MUC22: variants seen among roughly 807,000 people sequenced by gnomAD.
The protein encoded by MUC22 is mucin-22.
A neutral mutation model predicts 40.3 loss-of-function variants in MUC22; 24 were observed. The ratio of observed to expected loss-of-function variants is 0.60; its 90% CI spans 0.43 to 0.84. The LOEUF (loss-of-function observed/expected upper bound fraction) is 0.84, where lower values mean the gene tolerates loss of function less well. Ranked by LOEUF, MUC22 falls within the 40% of genes least tolerant of loss-of-function variation. MUC22 has a pLI of 0.00. For synonymous variants in MUC22, 765 were observed against 844.5 expected, an observed-to-expected ratio of 0.91 and a Z score of 1.63; for missense variants, 1,926 against 2,130.7, an observed-to-expected ratio of 0.90 and a Z score of 1.89.
Position 31,032,729 on chromosome 6 carries a change from C to A in MUC22, c.5055+148C>A, listed in dbSNP as rs181217482. The stretch of plus-strand genomic sequence containing the variant: ...GAATCACCTAGCCTGATATAAGGAC[C>A]AGAGAGAATGCTTAAGTCAGAGAAA... On this transcript the variant is annotated intron_variant, in intron 3 of 3. Transcript: ENST00000561890. The surrounding 1 kb of genome is among the most constrained non-coding windows in gnomAD (Gnocchi z 4.1). 76 of 899,664 alleles carry A rather than the reference C, an allele frequency of 8.4e-5. No individual in the cohort carries two copies. The African/African-American group carries it at 1.1e-3, about 13-fold the overall frequency. The allele number at this position is 899,664 out of a possible 1,614,324, so 55.7% of individuals were successfully genotyped here. A position where few individuals can be genotyped will look rare whatever the true frequency, so the allele number is the denominator to read the frequency against.
chr6:31,015,970 T>C (rs1276092671), intron 1 of MUC22, among the ~76,000 whole-genome samples: 2 of 152,176 alleles, frequency 1.3e-5, no homozygotes, highest in Non-Finnish European at 2.9e-5. Flanking sequence ...CTAATTTTCT[T>C]ATATTTCTTC....
rs1461612497 is a variant in MUC22 at position 31,032,628 on chromosome 6, G to C, written c.5055+47G>C. On this transcript the variant is annotated intron_variant, in intron 3 of 3. Transcript: ENST00000561890. This position sits in a 1 kb window ranked among gnomAD's most constrained non-coding sequence, Gnocchi z 4.1. ...ATAGGGGAGCCTGGCAAGAAGGCAG[G>C]GGGGAATCATGTCAGCAGTGCTTTG... The C allele has an allele frequency of 1.3e-6, 2 of 1,495,042 alleles. No homozygotes were observed. Among genetic ancestry groups the C allele is most frequent in the East Asian group, 2.5e-5 (1 of 40,606 alleles). The allele number at this position is 1,495,042 out of a possible 1,614,324, so 92.6% of individuals were successfully genotyped here. A position where few individuals can be genotyped will look rare whatever the true frequency, so the allele number is the denominator to read the frequency against.
upstream of MUC22, among the ~76,000 whole-genome samples, chr6:31,009,524 T>G (rs1763728893): frequency 6.6e-6 from 1 of 152,214 alleles, no homozygotes; most frequent in Non-Finnish European, 1.5e-5. Context: ...TCAGTTGATT[T>G]TTCCATGTAC....
At chr6:31,012,815 C>CT (rs1763946177) in intron 1 of MUC22, among the ~76,000 whole-genome samples, 2 of 152,064 alleles carry the variant, frequency 1.3e-5, no homozygotes, top group South Asian at 4.2e-4. Context: ...GTCTCAGGGG[C>CT]TTTGCTCAGT....
intron 1 of MUC22, among the ~76,000 whole-genome samples, chr6:31,023,070 CAGTG>C (rs1443309659): frequency 4.6e-5 from 7 of 151,640 alleles, no homozygotes; most frequent in Non-Finnish European, 1.0e-4. Flanking sequence ...GTGGAATTGG[CAGTG>C]AGCTGAGATC....
At chr6:31,028,549 A>G (rs1407758984) in exon 2 of MUC22, 1 of 1,531,938 alleles carries the variant, frequency 6.5e-7, no homozygotes, top group Non-Finnish European at 8.7e-7. Flanking sequence ...GGCCTCTACC[A>G]TAGGCTCTGA....
At chr6:31,009,954 A>T (rs1763752428), upstream of MUC22, among the ~76,000 whole-genome samples, 1 of 152,090 alleles carries the variant, frequency 6.6e-6, no homozygotes, top group Non-Finnish European at 1.5e-5. Context: ...CCACCCTTGG[A>T]GAGCTCACAG....
At chr6:31,020,917 C>T (rs573808626) in intron 1 of MUC22, among the ~76,000 whole-genome samples, 17 of 152,360 alleles carry the variant, frequency 1.1e-4, no homozygotes, top group African/African-American at 3.4e-4. Flanking sequence ...GGCCCACTGG[C>T]GCTGCACTGG....
chr6:31,018,272 A>T (rs1472714260), intron 1 of MUC22, among the ~76,000 whole-genome samples: 16 of 152,236 alleles, frequency 1.1e-4, no homozygotes, highest in Admixed American at 1.0e-3. Context: ...CTTGAGTGGA[A>T]GGAGTGATCT....
exon 1 of MUC22, chr6:31,010,583 T>C (rs1763795778): frequency 1.6e-6 from 1 of 629,824 alleles, no homozygotes; most frequent in South Asian, 1.9e-5. Context: ...TTTGGGTCTT[T>C]TTGTGCAACT....
chr6:31,028,545 T>C (rs1023277757), exon 2 of MUC22: 30 of 1,531,934 alleles, frequency 2.0e-5, no homozygotes, highest in Non-Finnish European at 2.4e-5. Context: ...CTATGGCCTC[T>C]ACCATAGGCT....
rs1055254538 is a variant in MUC22, at chr6:31,027,039, C to T, written c.1608C>T (p.Thr536=). 2.8e-5 allele frequency: 42 copies of T among 1,501,070 alleles called. 3 individuals are homozygous for T. The African/African-American group carries it at 4.6e-4, about 16-fold the overall frequency. The allele number at this position is 1,501,070 out of a possible 1,614,324, so 93.0% of individuals were successfully genotyped here. Residue 536 remains threonine (T), a synonymous_variant, in exon 2 of 4, where the codon ACC becomes ACT. Transcript: ENST00000561890. ...CCTCTACTACAGGGTTTGAGACAAC[C>T]GCAGCCTCTACTACAGGCTCTGAGC...
intron 1 of MUC22, 146 bp from the exon 2 acceptor site, chr6:31,025,356 G>C (rs1765189227): frequency 1.1e-6 from 1 of 938,394 alleles, no homozygotes; most frequent in Non-Finnish European, 1.5e-6. Context: ...CCAGAGTTTA[G>C]TAAAATACCA....
chr6:31,016,165 C>G (rs1764188315), intron 1 of MUC22, among the ~76,000 whole-genome samples: 1 of 140,868 alleles, frequency 7.1e-6, no homozygotes, highest in Non-Finnish European at 1.5e-5. Flanking sequence ...TATACTTTCT[C>G]TTATATTGCT....
intron 1 of MUC22, among the ~76,000 whole-genome samples, chr6:31,015,781 T>C (rs893327978): frequency 3.3e-5 from 5 of 152,356 alleles, no homozygotes; most frequent in African/African-American, 1.2e-4. Flanking sequence ...CATGATATGG[T>C]GTCATAGTAT....
intron 1 of MUC22, among the ~76,000 whole-genome samples, chr6:31,016,070 G>GTT (rs200808200): frequency 1.1e-4 from 15 of 134,392 alleles, no homozygotes; most frequent in Admixed American, 2.2e-4. Context: ...GAATTTTGAG[G>GTT]TTTTTTTTTT....
rs116354968 is a variant in MUC22 at position 31,023,565 on chromosome 6, C to T, written c.71-1937C>T. On this transcript the variant is annotated intron_variant, in intron 1 of 3. Coordinates refer to ENST00000561890, the Ensembl canonical transcript of MUC22. ...GTCTCTAAAAAAGAATCAGACCCAA[C>T]GTATTTATAATTACATTAAATGTAT... Among the ~76,000 whole-genome samples the T allele has an allele frequency of 7.7e-3, 1,169 of 152,102 alleles. 14 individuals are homozygous for T. Among genetic ancestry groups the T allele is most frequent in the African/African-American group, 0.026 (1,083 of 41,484 alleles).
At position 31,025,995 on chromosome 6, in the gene MUC22, C is replaced by CTCTA. The variant is rs1765268710; in HGVS notation, c.565_568dup (p.Thr190IlefsTer6). 2.6e-6 allele frequency: 4 copies of CTCTA among 1,533,428 alleles called. No individual in the cohort carries two copies. Among genetic ancestry groups the CTCTA allele is most frequent in the Non-Finnish European group, 3.5e-6 (4 of 1,145,454 alleles). The allele number at this position is 1,533,428 out of a possible 1,614,324, so 95.0% of individuals were successfully genotyped here. A position where few individuals can be genotyped will look rare whatever the true frequency, so the allele number is the denominator to read the frequency against. On this transcript the variant is annotated frameshift_variant, in exon 2 of 4. Coordinates refer to ENST00000561890, the Ensembl canonical transcript of MUC22. LOFTEE classifies it high-confidence loss of function. Reference sequence around the variant, plus strand: ...CCACAGGCTCTGAGACTGCCACAGTCTCTACCACAGGCTCTGAGACCACCA... The same window carrying CTCTA: ...CCACAGGCTCTGAGACTGCCACAGTCTCTATCTACCACAGGCTCTGAGACCACCA...
rs774665829 is a variant in MUC22 at position 31,032,174 on chromosome 6, TC to T, written c.4670-21del. On this transcript the variant is annotated intron_variant, in intron 2 of 3. Transcript: ENST00000561890. The surrounding 1 kb of genome is among the most constrained non-coding windows in gnomAD (Gnocchi z 4.1). ...AATCATCTCTGCTACAAATGCATCA[TC>T]TTGTGTGACCTGTTTCATAGGCACC... The T allele has an allele frequency of 2.5e-5, 38 of 1,518,646 alleles. No individual in the cohort carries two copies. Among genetic ancestry groups the T allele is most frequent in the Non-Finnish European group, 3.2e-5 (36 of 1,138,584 alleles). 94.1% of individuals were successfully genotyped at this position (1,518,646 alleles called of 1,614,324 possible).
Sources: allele counts gnomAD v4.1 joint callset (sites outside exome capture counted in the v4.1 genomes callset), GRCh38; gene constraint gnomAD v4.1.1; non-coding constraint Gnocchi (gnomAD v3.1); transcripts MANE v1.5; gene names NCBI Gene and HGNC (gene_info 2026-07-23, HGNC 2026-07-21).